Variants in CLYBL observed in about 807,000 individuals in gnomAD.
CLYBL encodes the protein citramalyl-CoA lyase.
In CLYBL, 31 loss-of-function variants were observed where a neutral mutation model predicts 38.9. The ratio of observed to expected loss-of-function variants is 0.80; its 90% CI spans 0.60 to 1.08. The LOEUF (loss-of-function observed/expected upper bound fraction) is 1.08. Ranked by LOEUF, CLYBL falls within the 50% of genes least tolerant of loss-of-function variation. The pLI is 0.00. For missense variants in CLYBL, 434 were observed against 411.6 expected (o/e 1.05, Z -0.47); for synonymous variants, 171 against 158.6 (o/e 1.08, Z -0.59).
chr13:99,881,374 G>A (rs111252834), intron 7 of CLYBL, among the ~76,000 whole-genome samples: 23 of 152,220 alleles, frequency 1.5e-4, no homozygotes, highest in African/African-American at 5.1e-4. Flanking sequence ...TGAAAAACAC[G>A]TTCTATACTT....
At chr13:99,868,592 C>A (rs2051809150) in intron 6 of CLYBL, among the ~76,000 whole-genome samples, 1 of 152,122 alleles carries the variant, frequency 6.6e-6, no homozygotes, top group Admixed American at 6.5e-5. Flanking sequence ...AAAAATGATA[C>A]ATATTTTTAA....
chr13:99,664,402 C>G (rs2139341686), intron 1 of CLYBL, among the ~76,000 whole-genome samples: 1 of 152,302 alleles, frequency 6.6e-6, no homozygotes, highest in Admixed American at 6.5e-5. Flanking sequence ...AGAAATAATT[C>G]ATATAAACAT....
chr13:99,872,217 G>T (rs1400028662), intron 7 of CLYBL, among the ~76,000 whole-genome samples: 1 of 152,072 alleles, frequency 6.6e-6, no homozygotes, highest in East Asian at 1.9e-4. Flanking sequence ...GCTCATCTTT[G>T]TACAAACTCA....
intron 1 of CLYBL, among the ~76,000 whole-genome samples, chr13:99,716,120 A>G (rs986582788): frequency 6.7e-6 from 1 of 148,320 alleles, no homozygotes; most frequent in African/African-American, 2.5e-5. Flanking sequence ...TGAAGTGAAC[A>G]ATAATAAAGT....
At chr13:99,709,923 C>CTTTTTTTTTT (rs373484721) in intron 1 of CLYBL, among the ~76,000 whole-genome samples, 7 of 110,482 alleles carry the variant, frequency 6.3e-5, no homozygotes, top group African/African-American at 7.3e-5. Flanking sequence ...TTCTTTCTTT[C>CTTTTTTTTTT]TTTTTTTTTT....
At chr13:99,738,383 G>A (rs183999944) in intron 1 of CLYBL, among the ~76,000 whole-genome samples, 7 of 152,310 alleles carry the variant, frequency 4.6e-5, no homozygotes, top group African/African-American at 7.2e-5. Context: ...GGTGGCTATG[G>A]CATTGTATAG....
intron 7 of CLYBL, among the ~76,000 whole-genome samples, chr13:99,881,151 C>T (rs1053448918): frequency 3.9e-5 from 6 of 152,174 alleles, no homozygotes; most frequent in Admixed American, 1.3e-4. Context: ...GAGTGTCTTC[C>T]GTCTGAATTC....
chr13:99,683,220 T>C (rs2047763768), intron 1 of CLYBL, among the ~76,000 whole-genome samples: 1 of 151,584 alleles, frequency 6.6e-6, no homozygotes, highest in Non-Finnish European at 1.5e-5. Context: ...TGGCTGGGCT[T>C]GCAGGTGCCC....
At chr13:99,639,331 T>C (rs1471216305) in intron 1 of CLYBL, among the ~76,000 whole-genome samples, 2 of 152,204 alleles carry the variant, frequency 1.3e-5, no homozygotes, top group African/African-American at 4.8e-5. Context: ...TTGTTATTTG[T>C]AGATTCCATT....
chr13:99,768,222 C>G (rs1443205773), intron 1 of CLYBL, among the ~76,000 whole-genome samples: 1 of 106,910 alleles, frequency 9.4e-6, no homozygotes, highest in Non-Finnish European at 1.7e-5. Context: ...TGAGCAGAGT[C>G]TTGCTCTGTC....
chr13:99,655,142 C>A (rs946689957), intron 1 of CLYBL, among the ~76,000 whole-genome samples: 9 of 149,618 alleles, frequency 6.0e-5, no homozygotes, highest in African/African-American at 2.2e-4. Context: ...GTGGCGTGAT[C>A]TCGGCTCACT....
intron 1 of CLYBL, among the ~76,000 whole-genome samples, chr13:99,711,461 G>A (rs1327579404): frequency 7.1e-6 from 1 of 140,194 alleles, no homozygotes; most frequent in African/African-American, 2.7e-5. Flanking sequence ...CCAGGCTAGA[G>A]TGCAATGGCG....
chr13:99,901,791 C>G (rs947022366), downstream of CLYBL, among the ~76,000 whole-genome samples: 3 of 151,976 alleles, frequency 2.0e-5, no homozygotes, highest in Admixed American at 2.0e-4. Flanking sequence ...TCCACAGTAC[C>G]TCGGATTACA....
intron 7 of CLYBL, among the ~76,000 whole-genome samples, chr13:99,890,634 T>C (rs554986921): frequency 7.9e-5 from 12 of 152,080 alleles, no homozygotes; most frequent in African/African-American, 2.4e-4. Context: ...CCCAGCTAAT[T>C]TTTTTGTATT....
chr13:99,727,504 T>C (rs2048498568), intron 1 of CLYBL: 1 of 148,306 alleles, frequency 6.7e-6, no homozygotes. Context: ...TGCAACCAAG[T>C]AGAAAAAAAG....
At chr13:99,832,995 CATACATACATACATATATAT>C (rs1467008165) in intron 2 of CLYBL, among the ~76,000 whole-genome samples, 1 of 46,100 alleles carries the variant, frequency 2.2e-5, no homozygotes, top group Non-Finnish European at 4.3e-5. Context: ...GTAGTATATA[CATACATACATACATATATAT>C]ATATATATAT....
chr13:99,825,191 T>C (rs949973329), intron 2 of CLYBL, among the ~76,000 whole-genome samples: 7 of 152,134 alleles, frequency 4.6e-5, no homozygotes, highest in Middle Eastern at 3.2e-3. Flanking sequence ...CAACAAGCCC[T>C]GGGGGAGTCT....
At chr13:99,620,792 AAAAG>A (rs147732033) in intron 1 of CLYBL, among the ~76,000 whole-genome samples, 1 of 150,398 alleles carries the variant, frequency 6.6e-6, no homozygotes, top group Non-Finnish European at 1.5e-5. Context: ...GAAAGAAAGA[AAAAG>A]AGAGAGAGAG....
At chr13:99,645,391 G>A (rs1451330616) in intron 1 of CLYBL, among the ~76,000 whole-genome samples, 1 of 151,808 alleles carries the variant, frequency 6.6e-6, no homozygotes, top group East Asian at 1.9e-4. Flanking sequence ...CCAGCTACTT[G>A]GGAGGCTGAG....
Sources: gnomAD v4.1 joint callset for allele counts (sites outside exome capture counted in the v4.1 genomes callset) on GRCh38, gnomAD v4.1.1 for gene constraint, MANE v1.5 for transcripts, NCBI Gene and HGNC (gene_info 2026-07-23, HGNC 2026-07-21) for gene names.